The following EPHA6 variants were observed in gnomAD, a reference collection of about 807,000 sequenced individuals.
The protein encoded by EPHA6 is EPH receptor A6.
Under a neutral mutation model 112.0 loss-of-function variants are expected in EPHA6, and 50 were observed. The ratio of observed to expected loss-of-function variants is 0.45; its 90% CI spans 0.36 to 0.56. The LOEUF is 0.56. EPHA6 is among the 20% of genes least tolerant of loss of function. EPHA6 has a pLI of 0.00. For missense variants in EPHA6, 1,280 were observed against 1,417.4 expected, an observed-to-expected ratio of 0.90 and a Z score of 1.56; for synonymous variants, 529 against 490.7, an observed-to-expected ratio of 1.08 and a Z score of -1.03.
intron 5 of EPHA6, among the ~76,000 whole-genome samples, chr3:97,367,080 CTG>C (rs1475065201): frequency 2.6e-5 from 4 of 152,140 alleles, no homozygotes; most frequent in Non-Finnish European, 5.9e-5. Flanking sequence ...AGGAAGGACT[CTG>C]AGATTTGAAC....
At position 96,831,698 on chromosome 3, in the gene EPHA6, C is replaced by A. The variant is rs188517619; in HGVS notation, c.385+16690C>A. On this transcript the variant is annotated intron_variant, in intron 1 of 17. Transcript: ENST00000389672. ...ATTTATTTGCAGGTGGTTTGAGAAA[C>A]CCTGACTTGGACATCCTTATCTGTA... Among the ~76,000 whole-genome samples, 757 of 152,018 alleles carry A rather than the reference C, an allele frequency of 5.0e-3. 5 individuals are homozygous for A. The highest frequency in any genetic ancestry group is 8.9e-3 in the Non-Finnish European group (603 of 67,946).
chr3:97,024,875 T>A (rs540674231), intron 3 of EPHA6, among the ~76,000 whole-genome samples: 23 of 152,312 alleles, frequency 1.5e-4, no homozygotes, highest in African/African-American at 5.5e-4. Context: ...AAACAAAAAC[T>A]ACCATTTAGT....
chr3:97,533,892 T>C (rs577688321), intron 11 of EPHA6, among the ~76,000 whole-genome samples: 1 of 152,252 alleles, frequency 6.6e-6, no homozygotes, highest in South Asian at 2.1e-4. Flanking sequence ...ACAACTCCAC[T>C]ACAACTGCTA....
intron 14 of EPHA6, among the ~76,000 whole-genome samples, chr3:97,649,021 G>A (rs569471834): frequency 6.6e-6 from 1 of 152,210 alleles, no homozygotes; most frequent in African/African-American, 2.4e-5. Context: ...AATGGAGGGG[G>A]TTTGACTGCT....
intron 7 of EPHA6, among the ~76,000 whole-genome samples, chr3:97,454,218 A>G (rs1020588212): frequency 3.3e-5 from 5 of 151,752 alleles, no homozygotes; most frequent in African/African-American, 1.2e-4. Context: ...TCTTCCTTGG[A>G]ATTTCTAAAT....
chr3:97,036,643 C>CAA (rs1309948130), intron 3 of EPHA6, among the ~76,000 whole-genome samples: 3 of 151,990 alleles, frequency 2.0e-5, no homozygotes, highest in African/African-American at 7.2e-5. Context: ...TTTCAAGTGA[C>CAA]ATTCTTGAGC....
At chr3:97,293,580 C>G (rs1299406895) in intron 5 of EPHA6, among the ~76,000 whole-genome samples, 1 of 152,214 alleles carries the variant, frequency 6.6e-6, no homozygotes, top group Non-Finnish European at 1.5e-5. Context: ...CTGTGTGAGT[C>G]TGATTCCAGG....
In EPHA6 at chr3:96,814,820, A is replaced by G. The variant is rs1338277029; in HGVS notation, c.197A>G (p.Asp66Gly). 6.3e-7 allele frequency: 1 copy of G among 1,593,728 alleles called. No individual in the cohort carries two copies. The highest frequency in any genetic ancestry group is 2.3e-5 in the East Asian group (1 of 43,754). ...GAGGAGGAGGAGGAAGAAGACGTGGACAAGGACCCCCATCCTACCCAGAAC... is the reference window on the plus strand; with the variant it reads ...GAGGAGGAGGAGGAAGAAGACGTGGGCAAGGACCCCCATCCTACCCAGAAC... Reference protein sequence around the residue: ...EEEEEEEEDVDKDPHPTQNTC... With the variant: ...EEEEEEEEDVGKDPHPTQNTC... Residue 66 changes from aspartate to glycine, a missense_variant, in exon 1 of 18, where the codon GAC (aspartate) becomes GGC (glycine). Transcript: ENST00000389672.
intron 2 of EPHA6, among the ~76,000 whole-genome samples, chr3:96,901,144 C>T (rs1012349897): frequency 4.6e-5 from 7 of 152,074 alleles, no homozygotes; most frequent in African/African-American, 1.7e-4. Flanking sequence ...GACTAAAATT[C>T]ATGGAGAATG....
At chr3:97,171,831 C>T (rs964652562) in intron 3 of EPHA6, among the ~76,000 whole-genome samples, 7 of 151,572 alleles carry the variant, frequency 4.6e-5, no homozygotes, top group Middle Eastern at 3.2e-3. Context: ...AGAGCCAATC[C>T]GGAGTAGAAT....
chr3:97,678,843 A>T (rs1292347763), intron 14 of EPHA6, among the ~76,000 whole-genome samples: 1 of 152,126 alleles, frequency 6.6e-6, no homozygotes, highest in Non-Finnish European at 1.5e-5. Flanking sequence ...GTGTTTGTAT[A>T]TTTATGCTGC....
intron 3 of EPHA6, among the ~76,000 whole-genome samples, chr3:97,125,080 C>A (rs979028577): frequency 6.6e-6 from 1 of 152,136 alleles, no homozygotes; most frequent in Non-Finnish European, 1.5e-5. Context: ...TGCAGGATAT[C>A]ATAAAGGACT....
intron 2 of EPHA6, among the ~76,000 whole-genome samples, chr3:96,915,984 T>C (rs1178865775): frequency 6.6e-6 from 1 of 152,146 alleles, no homozygotes; most frequent in Non-Finnish European, 1.5e-5. Context: ...TAAACTAAAA[T>C]GTTAAAGATG....
intron 3 of EPHA6, among the ~76,000 whole-genome samples, chr3:97,224,929 T>C (rs1051401114): frequency 1.3e-5 from 2 of 152,074 alleles, no homozygotes; most frequent in African/African-American, 4.8e-5. Context: ...ACTGATTTTT[T>C]TTTTTGCTTT....
chr3:97,066,339 T>C (rs1331581723), intron 3 of EPHA6, among the ~76,000 whole-genome samples: 1 of 152,098 alleles, frequency 6.6e-6, no homozygotes, highest in Non-Finnish European at 1.5e-5. Flanking sequence ...ATAACAAAAG[T>C]GAAAATTTCT....
At chr3:97,537,090 A>G (rs2092774741) in intron 11 of EPHA6, among the ~76,000 whole-genome samples, 1 of 152,190 alleles carries the variant, frequency 6.6e-6, no homozygotes, top group African/African-American at 2.4e-5. Flanking sequence ...AGAAATAAGC[A>G]AAGAAAAAAA....
chr3:97,487,146 T>G (rs1398173967), intron 10 of EPHA6, among the ~76,000 whole-genome samples: 2 of 152,172 alleles, frequency 1.3e-5, no homozygotes, highest in Non-Finnish European at 2.9e-5. Context: ...AATTAAGGCA[T>G]TGACAGTAGG....
intron 3 of EPHA6, among the ~76,000 whole-genome samples, chr3:97,087,296 TGGG>T (rs1396699426): frequency 3.3e-5 from 5 of 152,068 alleles, no homozygotes; most frequent in African/African-American, 9.7e-5. Context: ...AGACTTCTGA[TGGG>T]GGTGTGTGTC....
intron 5 of EPHA6, among the ~76,000 whole-genome samples, chr3:97,342,041 C>T (rs1007513362): frequency 2.6e-4 from 40 of 152,238 alleles, no homozygotes; most frequent in African/African-American, 8.9e-4. Flanking sequence ...AGAGGAATAG[C>T]AGGATATAGA....
Sources: allele counts gnomAD v4.1 joint callset (sites outside exome capture counted in the v4.1 genomes callset), GRCh38; gene constraint gnomAD v4.1.1; transcripts MANE v1.5; gene names NCBI Gene and HGNC (gene_info 2026-07-23, HGNC 2026-07-21).